Variants in SMARCB1 observed in about 807,000 individuals in gnomAD.
SMARCB1 encodes SWI/SNF related BAF chromatin remodeling complex subunit B1, also known as SWI/SNF-related matrix-associated actin-dependent regulator of chromatin subfamily B member 1.
SMARCB1 carries 5 observed loss-of-function variants against 49.0 expected under a neutral mutation model. The observed-to-expected ratio is 0.10, with a 90% CI of 0.05 to 0.21. The LOEUF (loss-of-function observed/expected upper bound fraction) is 0.21. SMARCB1 is among the 10% of genes least tolerant of loss of function. The probability of loss-of-function intolerance (pLI) is 1.00; values close to 1 mark genes in which losing one functional copy is unlikely to be tolerated. For synonymous variants in SMARCB1, 201 were observed against 200.1 expected (o/e 1.00, Z -0.04); for missense variants, 226 against 509.2 (o/e 0.44, Z 5.35).
rs1398038819 is a variant in SMARCB1, at chr22:23,835,872, G to T, written c.*1692G>T. On this transcript the variant is annotated 3_prime_UTR_variant, in exon 9 of 9. Transcript: ENST00000644036. The stretch of plus-strand genomic sequence containing the variant: ...CCGGGAAGGCTGGGCCCTCACTCCT[G>T]ACCGCCAGCTCACACCGCCGCAAAG... 12 of 985,356 alleles carry T rather than the reference G, an allele frequency of 1.2e-5. No individual in the cohort carries two copies. The highest frequency in any genetic ancestry group is 1.4e-5 in the Non-Finnish European group (12 of 829,980). 61.0% of individuals were successfully genotyped at this position (985,356 alleles called of 1,614,324 possible).
chr22:23,789,910 C>A (rs533576830), intron 1 of SMARCB1, among the ~76,000 whole-genome samples: 56 of 152,226 alleles, frequency 3.7e-4, no homozygotes, highest in Admixed American at 1.2e-3. Context: ...CATGCGCCAT[C>A]TGTGGAGCTG....
chr22:23,805,419 T>G (rs555462574), intron 5 of SMARCB1, among the ~76,000 whole-genome samples: 5 of 152,260 alleles, frequency 3.3e-5, no homozygotes, highest in African/African-American at 4.8e-5. Context: ...TTATCTCTGC[T>G]GGCCCACATC....
intron 3 of SMARCB1, among the ~76,000 whole-genome samples, chr22:23,800,332 A>C (rs1351069459): frequency 6.6e-6 from 1 of 152,242 alleles, no homozygotes; most frequent in Non-Finnish European, 1.5e-5. Flanking sequence ...CCATCTTCTC[A>C]ACTTCTACTG....
chr22:23,837,192 AGCC>A lies in SMARCB1; in HGVS notation c.*3013_*3015del. The A allele has an allele frequency of 6.2e-7, 1 of 1,610,218 alleles. No homozygotes were observed. Among genetic ancestry groups the A allele is most frequent in the Non-Finnish European group, 8.5e-7 (1 of 1,178,358 alleles). ...CACGGACTGTGGGGTCACCCTCCAC[AGCC>A]CAGAGTCCTAGACCAGCAGAGCCTG... is the stretch of plus-strand genomic sequence containing the variant. On this transcript the variant is annotated 3_prime_UTR_variant, in exon 9 of 9. Coordinates refer to ENST00000644036, the MANE Select transcript of SMARCB1 (RefSeq NM_003073.5).
chr22:23,832,811 G>A (rs1436038740), intron 7 of SMARCB1, among the ~76,000 whole-genome samples: 1 of 152,210 alleles, frequency 6.6e-6, no homozygotes, highest in African/African-American at 2.4e-5. Flanking sequence ...CAGCACTCCT[G>A]TGCCCACCCC....
chr22:23,794,223 T>C (rs1384633777), intron 3 of SMARCB1, among the ~76,000 whole-genome samples: 1 of 152,238 alleles, frequency 6.6e-6, no homozygotes, highest in Non-Finnish European at 1.5e-5. Context: ...ATTACAGGCG[T>C]GAGCCACCGC....
chr22:23,836,883 G>A lies in SMARCB1; in HGVS notation c.*2703G>A. 6 of 1,476,814 alleles carry A rather than the reference G, an allele frequency of 4.1e-6. No homozygotes were observed. The highest frequency in any genetic ancestry group is 5.4e-6 in the Non-Finnish European group (6 of 1,112,064). 91.5% of individuals were successfully genotyped at this position (1,476,814 alleles called of 1,614,324 possible). A position where few individuals can be genotyped will look rare whatever the true frequency, so the allele number is the denominator to read the frequency against. ...CTGGGTGGGGGTCACTGCTGCGGGG[G>A]TGGCAGATGGGGTCCTGGCTGTTCC... On this transcript the variant is annotated 3_prime_UTR_variant, in exon 9 of 9. Coordinates refer to ENST00000644036, the MANE Select transcript of SMARCB1 (RefSeq NM_003073.5).
chr22:23,820,768 G>T (rs1235942480), intron 6 of SMARCB1, among the ~76,000 whole-genome samples: 1 of 152,198 alleles, frequency 6.6e-6, no homozygotes, highest in Non-Finnish European at 1.5e-5. Context: ...GAGAAGTGGG[G>T]TGGGGATGGG....
chr22:23,798,072 G>C (rs1469761510), intron 3 of SMARCB1, among the ~76,000 whole-genome samples: 1 of 151,672 alleles, frequency 6.6e-6, no homozygotes, highest in African/African-American at 2.4e-5. Context: ...GGCAGGATGA[G>C]GGGGCAGGGG....
At chr22:23,819,434 A>G (rs915556910) in intron 6 of SMARCB1, among the ~76,000 whole-genome samples, 1 of 151,688 alleles carries the variant, frequency 6.6e-6, no homozygotes, top group Non-Finnish European at 1.5e-5. Flanking sequence ...GGTTCAAGCA[A>G]TCTCCTGCTT....
intron 3 of SMARCB1, 123 bp from the exon 4 acceptor site, chr22:23,800,821 A>G: frequency 1.2e-6 from 1 of 832,064 alleles, no homozygotes. Flanking sequence ...TGCACAGACA[A>G]CTCCCATGGG....
At chr22:23,812,905 T>G (rs994473556) in intron 5 of SMARCB1, among the ~76,000 whole-genome samples, 6 of 150,040 alleles carry the variant, frequency 4.0e-5, no homozygotes, top group Non-Finnish European at 7.4e-5. Context: ...TGCTCTGTTG[T>G]CTAGGCTGGA....
At chr22:23,825,459 A>T in intron 7 of SMARCB1, 44 bp downstream of exon 7, 4 of 1,563,178 alleles carry the variant, frequency 2.6e-6, no homozygotes, top group Non-Finnish European at 3.5e-6. Flanking sequence ...CTCCCTGCAA[A>T]ACTGTTTTGA....
At position 23,787,049 on chromosome 22, in the gene SMARCB1, C is replaced by G; in HGVS notation, c.-121C>G. 5 of 668,076 alleles carry G rather than the reference C, an allele frequency of 7.5e-6. No homozygotes were observed. The highest frequency in any genetic ancestry group is 5.0e-5 in the South Asian group (3 of 60,424). 41.4% of individuals were successfully genotyped at this position (668,076 alleles called of 1,614,324 possible). A position where few individuals can be genotyped will look rare whatever the true frequency, so the allele number is the denominator to read the frequency against. On this transcript the variant is annotated 5_prime_UTR_variant, in exon 1 of 9. Coordinates refer to ENST00000644036, the MANE Select transcript of SMARCB1 (RefSeq NM_003073.5). ...AGGAGCCCGGCTGAGGCGCCAGTAC[C>G]CGGCCCGGTCCGCATTTCGCCTTCC...
intron 6 of SMARCB1, 76 bp from the exon 7 acceptor site, chr22:23,825,149 C>T (rs781521647): frequency 2.3e-6 from 3 of 1,293,212 alleles, no homozygotes; most frequent in Non-Finnish European, 2.2e-6. Flanking sequence ...CCACCCCAGG[C>T]CTGGCAGGGC....
chr22:23,789,978 A>ACAG lies in SMARCB1; in HGVS notation c.94-1776_94-1774dup, dbSNP rs146589161. 7.2e-3 allele frequency among the ~76,000 whole-genome samples: 1,101 copies of ACAG among 152,266 alleles called. 16 individuals carry two copies. The highest frequency in any genetic ancestry group is 0.025 in the African/African-American group (1,052 of 41,534). ...TGTGTCACTGTTCTGCCATTAACAG[A>ACAG]CAGCTGTATTTACCAAGCCGGAGTC... On this transcript the variant is annotated intron_variant, in intron 1 of 8. Coordinates refer to ENST00000644036, the MANE Select transcript of SMARCB1 (RefSeq NM_003073.5).
chr22:23,808,638 T>G (rs374037825), intron 5 of SMARCB1, among the ~76,000 whole-genome samples: 1 of 151,892 alleles, frequency 6.6e-6, no homozygotes, highest in African/African-American at 2.4e-5. Context: ...AAAAGAACTG[T>G]TAATCTAGAA....
chr22:23,816,519 G>A, intron 5 of SMARCB1: 1 of 601,800 alleles, frequency 1.7e-6, no homozygotes, highest in Non-Finnish European at 3.0e-6. Context: ...AGTGGAATGA[G>A]GGAAGTGTTT....
chr22:23,800,324 A>G (rs752379253), intron 3 of SMARCB1, among the ~76,000 whole-genome samples: 3 of 152,234 alleles, frequency 2.0e-5, no homozygotes, highest in Non-Finnish European at 2.9e-5. Context: ...TTATCAACCC[A>G]TCTTCTCAAC....
Sources: gnomAD v4.1 joint callset for allele counts (sites outside exome capture counted in the v4.1 genomes callset) on GRCh38, gnomAD v4.1.1 for gene constraint, MANE v1.5 for transcripts, NCBI Gene and HGNC (gene_info 2026-07-23, HGNC 2026-07-21) for gene names.